Variants in JAK2 observed in about 807,000 individuals in gnomAD.
JAK2 encodes tyrosine-protein kinase JAK2.
Under a neutral mutation model 139.3 loss-of-function variants are expected in JAK2, and 86 were observed. That is an observed-to-expected ratio of 0.62 (90% CI 0.52 to 0.74). The LOEUF is 0.74. Among genes scored for constraint, JAK2 ranks in the 30% least tolerant of loss-of-function variants. The pLI, the probability that JAK2 is intolerant of heterozygous loss-of-function variation, is 0.00. For missense variants in JAK2, 1,421 were observed against 1,360.3 expected (o/e 1.04, Z -0.70); for synonymous variants, 490 against 437.7 (o/e 1.12, Z -1.49).
At position 5,090,498 on chromosome 9, in the gene JAK2, A is replaced by G; in HGVS notation, c.2814A>G (p.Arg938=). 6 of 1,592,554 alleles carry G rather than the reference A, an allele frequency of 3.8e-6. No individual in the cohort carries two copies. The highest frequency in any genetic ancestry group is 5.1e-6 in the Non-Finnish European group (6 of 1,169,098). ...AATATTTACCATATGGAAGTTTACG[A>G]GACTATCTTCAAAAACATAAAGAAC... ...IMEYLPYGSL[R]DYLQKHKERI... The change falls in exon 21 of 25, where the codon CGA becomes CGG. Residue 938 remains arginine (R), a synonymous_variant. Transcript: ENST00000381652.
intron 22 of JAK2, among the ~76,000 whole-genome samples, chr9:5,095,444 G>A (rs1422777239): frequency 1.3e-5 from 2 of 152,062 alleles, no homozygotes; most frequent in East Asian, 1.9e-4. Flanking sequence ...CTCATGATGG[G>A]TATCCTTTTC....
Position 5,022,034 on chromosome 9 carries a change from C to T in JAK2, c.47C>T (p.Thr16Ile). ...ATGACAGAAATGGAGGGAACATCCA[C>T]CTCTTCTATATATCAGAATGGTGAT... ...LTMTEMEGTS[T>I]SSIYQNGDIS... Residue 16 changes from threonine (T) to isoleucine (I), a missense_variant, in exon 3 of 25, where the codon ACC (threonine) becomes ATC (isoleucine). Thr to Ile is a moderately conservative substitution (Grantham distance 89). Coordinates refer to ENST00000381652, the MANE Select transcript of JAK2 (RefSeq NM_004972.4). 4 of 1,614,146 alleles carry T rather than the reference C, an allele frequency of 2.5e-6. No individual in the cohort carries two copies. The highest frequency in any genetic ancestry group is 3.4e-6 in the Non-Finnish European group (4 of 1,179,974).
chr9:5,017,225 C>T (rs1822125182), intron 2 of JAK2, among the ~76,000 whole-genome samples: 1 of 151,960 alleles, frequency 6.6e-6, no homozygotes, highest in Admixed American at 6.6e-5. Flanking sequence ...TCAAAGACTA[C>T]AACTTAAAAA....
intron 22 of JAK2, chr9:5,100,270 A>G (rs189120632): frequency 4.6e-5 from 7 of 152,320 alleles, no homozygotes; most frequent in Admixed American, 6.5e-5. Flanking sequence ...CATATAGTCA[A>G]ACCCAGCCCC....
intron 22 of JAK2, among the ~76,000 whole-genome samples, chr9:5,106,192 A>C (rs1216332063): frequency 4.6e-5 from 7 of 152,202 alleles, no homozygotes; most frequent in African/African-American, 9.7e-5. Flanking sequence ...AAAATCTACA[A>C]AGAAATTTAC....
At chr9:5,122,082 G>A (rs1300355613) in intron 22 of JAK2, among the ~76,000 whole-genome samples, 2 of 152,188 alleles carry the variant, frequency 1.3e-5, no homozygotes, top group Non-Finnish European at 2.9e-5. Context: ...TCAGTGGCCT[G>A]AGGGCAATAA....
intron 2 of JAK2, among the ~76,000 whole-genome samples, chr9:4,990,887 C>T (rs952061405): frequency 3.9e-5 from 6 of 152,124 alleles, no homozygotes; most frequent in African/African-American, 1.4e-4. Context: ...CAAAGCTCTC[C>T]ATCACTAGGA....
chr9:5,110,679 C>T, intron 22 of JAK2: 1 of 322,152 alleles, frequency 3.1e-6, no homozygotes, highest in South Asian at 2.7e-5. Flanking sequence ...ATACCAACGC[C>T]TGAGCCCTTT....
chr9:5,034,659 C>T (rs9886891), intron 4 of JAK2, among the ~76,000 whole-genome samples: 1,863 of 151,618 alleles, frequency 0.012, 22 homozygotes, highest in Non-Finnish European at 0.019. Context: ...AACGAAATGA[C>T]GGCAGAAATA....
At chr9:5,038,650 A>G (rs1816256804) in intron 4 of JAK2, among the ~76,000 whole-genome samples, 1 of 151,588 alleles carries the variant, frequency 6.6e-6, no homozygotes, top group Non-Finnish European at 1.5e-5. Context: ...CGCTGGTTGA[A>G]CATACCTAAT....
intron 14 of JAK2, among the ~76,000 whole-genome samples, chr9:5,074,831 G>C (rs1819203996): frequency 6.6e-6 from 1 of 151,724 alleles, no homozygotes; most frequent in Non-Finnish European, 1.5e-5. Flanking sequence ...CATTGATGAA[G>C]ATGGCTTAGA....
chr9:5,077,835 G>A (rs1248738847), intron 15 of JAK2, among the ~76,000 whole-genome samples: 4 of 152,094 alleles, frequency 2.6e-5, no homozygotes, highest in South Asian at 2.1e-4. Context: ...GTGTCTTTTG[G>A]ATTTAGAAAA....
At chr9:5,091,198 GGT>G (rs1820545845) in intron 22 of JAK2, 1 of 219,158 alleles carries the variant, frequency 4.6e-6, no homozygotes, top group Non-Finnish European at 8.9e-6. Context: ...AATTATTAGT[GGT>G]GCTGTGGGTT....
intron 8 of JAK2, among the ~76,000 whole-genome samples, chr9:5,061,790 G>GT (rs1367428669): frequency 3.9e-5 from 6 of 152,252 alleles, no homozygotes; most frequent in Non-Finnish European, 7.4e-5. Flanking sequence ...AGCTTTCAGC[G>GT]TGTGTTGGCT....
chr9:5,055,928 A>C (rs1817733975), intron 8 of JAK2, 140 bp downstream of exon 8: 4 of 688,314 alleles, frequency 5.8e-6, no homozygotes, highest in Admixed American at 6.1e-5. Flanking sequence ...TCAGTTCAGT[A>C]AACTTTTTGA....
chr9:4,994,507 G>C (rs1468184992), intron 2 of JAK2, among the ~76,000 whole-genome samples: 1 of 152,124 alleles, frequency 6.6e-6, no homozygotes, highest in Non-Finnish European at 1.5e-5. Flanking sequence ...GAGAATTACT[G>C]ATTTAAACCA....
intron 2 of JAK2, among the ~76,000 whole-genome samples, chr9:4,993,581 T>C (rs1419666607): frequency 6.6e-6 from 1 of 152,224 alleles, no homozygotes; most frequent in Admixed American, 6.5e-5. Context: ...AACTTTGCCC[T>C]AGTATGTAAC....
At chr9:5,018,391 A>G (rs568231965) in intron 2 of JAK2, among the ~76,000 whole-genome samples, 1 of 152,178 alleles carries the variant, frequency 6.6e-6, no homozygotes, top group East Asian at 1.9e-4. Flanking sequence ...GCTGGAGTGC[A>G]GTGGTGTGAT....
Position 5,113,523 on chromosome 9 carries a change from T to C in JAK2, c.3060-9481T>C, listed in dbSNP as rs149688964. 5.7e-3 allele frequency: 865 copies of C among 152,564 alleles called. 13 individuals carry two copies. The highest frequency in any genetic ancestry group is 0.02 in the African/African-American group (826 of 40,874). 9.5% of individuals were successfully genotyped at this position (152,564 alleles called of 1,614,324 possible). On this transcript the variant is annotated intron_variant, in intron 22 of 24. Transcript: ENST00000381652. ...TCAGAGGGTGACTCCCCTGGTGGGC[T>C]GGTCTCAGCTGATCTTGACTGTCCC...
Sources: gnomAD v4.1 joint callset for allele counts (sites outside exome capture counted in the v4.1 genomes callset) on GRCh38, gnomAD v4.1.1 for gene constraint, MANE v1.5 for transcripts, NCBI Gene and HGNC (gene_info 2026-07-23, HGNC 2026-07-21) for gene names.